COPB2: variants seen among roughly 807,000 people sequenced by gnomAD.
COPB2 encodes coatomer subunit beta'.
A neutral mutation model predicts 120.8 loss-of-function variants in COPB2; 16 were observed. That is an observed-to-expected ratio of 0.13 (90% confidence interval 0.09 to 0.20). COPB2 has a LOEUF of 0.20. Among genes scored for constraint, COPB2 ranks in the 10% least tolerant of loss-of-function variants. COPB2 has a pLI of 1.00. For missense variants in COPB2, 794 were observed against 1,076.5 expected (o/e 0.74, Z 3.67); for synonymous variants, 332 against 366.3 (o/e 0.91, Z 1.07).
At chr3:139,381,411 G>GA (rs1941809430) in intron 2 of COPB2, 1 of 152,118 alleles carries the variant, frequency 6.6e-6, no homozygotes, top group Non-Finnish European at 1.5e-5. Context: ...TAAACACAGG[G>GA]AAAAAACAGG....
rs968188199 is a variant in COPB2, at chr3:139,357,710, G to A, written c.*153C>T. 1 of 477,260 alleles carries A rather than the reference G, an allele frequency of 2.1e-6. No individual in the cohort carries two copies. The highest frequency in any genetic ancestry group is 2.0e-5 in the African/African-American group (1 of 49,772). 29.6% of individuals were successfully genotyped at this position (477,260 alleles called of 1,614,324 possible). On this transcript the variant is annotated 3_prime_UTR_variant, in exon 22 of 22. Coordinates refer to ENST00000333188, the MANE Select transcript of COPB2 (RefSeq NM_004766.3). Reference sequence around the variant, plus strand: ...AATGCTGCACATAAACTCTTCTTAAGATGATGTGGGCATTGTGCTCCCAGT... The same window carrying A: ...AATGCTGCACATAAACTCTTCTTAAAATGATGTGGGCATTGTGCTCCCAGT...
At chr3:139,361,887 G>T (rs570009655) in intron 16 of COPB2, among the ~76,000 whole-genome samples, 6 of 152,316 alleles carry the variant, frequency 3.9e-5, no homozygotes, top group Non-Finnish European at 7.3e-5. Flanking sequence ...GAGCCTCCCT[G>T]AACAGCTCAT....
At chr3:139,377,456 A>C (rs1322384512) in intron 5 of COPB2, among the ~76,000 whole-genome samples, 1 of 152,248 alleles carries the variant, frequency 6.6e-6, no homozygotes, top group South Asian at 2.1e-4. Context: ...AGTTCAATGA[A>C]GTAAGGTTTT....
Position 139,357,855 on chromosome 3 carries a change from C to T in COPB2, c.*8G>A, listed in dbSNP as rs1941320331. Reference sequence around the variant, plus strand: ...TCTGTTTAGTCAGGTAAATGGAAAGCATTACAGTCAATCATCCAAAATATC... The same window carrying T: ...TCTGTTTAGTCAGGTAAATGGAAAGTATTACAGTCAATCATCCAAAATATC... On this transcript the variant is annotated 3_prime_UTR_variant, in exon 22 of 22. Coordinates refer to ENST00000333188, the MANE Select transcript of COPB2 (RefSeq NM_004766.3). 2 of 1,474,630 alleles carry T rather than the reference C, an allele frequency of 1.4e-6. No individual in the cohort carries two copies. Among genetic ancestry groups the T allele is most frequent in the Non-Finnish European group, 1.9e-6 (2 of 1,061,864 alleles). 91.3% of individuals were successfully genotyped at this position (1,474,630 alleles called of 1,614,324 possible). A position where few individuals can be genotyped will look rare whatever the true frequency, so the allele number is the denominator to read the frequency against.
At chr3:139,377,676 T>C (rs1941738742) in intron 5 of COPB2, among the ~76,000 whole-genome samples, 1 of 152,214 alleles carries the variant, frequency 6.6e-6, no homozygotes, top group African/African-American at 2.4e-5. Flanking sequence ...GCATATGGAA[T>C]TTAAATGTAA....
At chr3:139,387,259 G>GA (rs1941942373) in intron 1 of COPB2, among the ~76,000 whole-genome samples, 2 of 151,268 alleles carry the variant, frequency 1.3e-5, no homozygotes, top group Non-Finnish European at 3.0e-5. Context: ...AGGAAGGAAA[G>GA]AAAAGAAAAA....
chr3:139,383,275 A>C lies in COPB2; in HGVS notation c.141+23T>G, dbSNP rs373775494. On this transcript the variant is annotated intron_variant, in intron 2 of 21. Coordinates refer to ENST00000333188, the MANE Select transcript of COPB2 (RefSeq NM_004766.3). ...AGTCTCACATAGTATTTTATTTCTA[A>C]TACAGTCCTGAAAAATTCCTACCTG... is the stretch of plus-strand genomic sequence containing the variant. 132 of 1,612,614 alleles carry C rather than the reference A, an allele frequency of 8.2e-5. 1 individual carries two copies. In the African/African-American group the frequency reaches 1.3e-3, roughly 15 times the overall value.
chr3:139,385,360 T>C (rs1941900939), intron 1 of COPB2: 1 of 152,186 alleles, frequency 6.6e-6, no homozygotes, highest in Non-Finnish European at 1.5e-5. Flanking sequence ...TATTCACAAA[T>C]CACAATTTTG....
chr3:139,378,260 A>G lies in COPB2; in HGVS notation c.356-71T>C. The G allele has an allele frequency of 2.2e-6, 3 of 1,385,436 alleles. No homozygotes were observed. The South Asian group carries it at 5.3e-5, about 25-fold the overall frequency. The allele number at this position is 1,385,436 out of a possible 1,614,324, so 85.8% of individuals were successfully genotyped here. On this transcript the variant is annotated intron_variant, in intron 4 of 21. Transcript: ENST00000333188. ...ACTTCATAACTAAGACACAGTCTTT[A>G]GAAGAAGCAAACCTAACACAAACCA...
At chr3:139,380,748 A>C (rs1364522463) in intron 2 of COPB2, 1 of 152,234 alleles carries the variant, frequency 6.6e-6, no homozygotes, top group Non-Finnish European at 1.5e-5. Context: ...TTCTTTAGAC[A>C]AAGGCTGAAT....
intron 17 of COPB2, among the ~76,000 whole-genome samples, chr3:139,360,050 T>G (rs1448311787): frequency 6.6e-6 from 1 of 152,162 alleles, no homozygotes; most frequent in Non-Finnish European, 1.5e-5. Context: ...AAAACAGTTA[T>G]AACTGTTTTC....
intron 1 of COPB2, among the ~76,000 whole-genome samples, chr3:139,386,378 C>T (rs960354074): frequency 2.6e-5 from 4 of 152,018 alleles, no homozygotes; most frequent in Admixed American, 6.5e-5. Context: ...CTCAGCCTCC[C>T]GAGTAGCTGG....
At chr3:139,377,143 G>C (rs1277715379) in intron 5 of COPB2, among the ~76,000 whole-genome samples, 1 of 152,210 alleles carries the variant, frequency 6.6e-6, no homozygotes, top group Non-Finnish European at 1.5e-5. Context: ...GCACTTTGCT[G>C]TTTGCTATTG....
At chr3:139,372,567 A>G (rs1202955081) in intron 9 of COPB2, among the ~76,000 whole-genome samples, 1 of 152,204 alleles carries the variant, frequency 6.6e-6, no homozygotes, top group Non-Finnish European at 1.5e-5. Flanking sequence ...GATACCATTT[A>G]CTGAACTAGG....
intron 1 of COPB2, among the ~76,000 whole-genome samples, chr3:139,387,195 AGT>A (rs1242517876): frequency 1.3e-5 from 2 of 151,890 alleles, no homozygotes; most frequent in African/African-American, 2.4e-5. Flanking sequence ...TGGGCGACAG[AGT>A]GAGATTCTGT....
Position 139,361,191 on chromosome 3 carries a change from C to T in COPB2, c.2100G>A (p.Leu700=). The T allele has an allele frequency of 6.2e-7, 1 of 1,614,228 alleles. No individual in the cohort carries two copies. The highest frequency in any genetic ancestry group is 8.5e-7 in the Non-Finnish European group (1 of 1,180,056). ...CATTTCCAGAGGCAGTGGCCAAAAG[C>T]AGCAGGCCCCCATAATCCTGTGCAT... The part of the protein sequence containing the change: ...LHHAQDYGGL[L]LLATASGNAN... Residue 700 remains leucine, a synonymous_variant, in exon 17 of 22, where the codon CTG becomes CTA. Transcript: ENST00000333188.
chr3:139,381,941 A>G (rs1328062100), intron 2 of COPB2: 1 of 152,240 alleles, frequency 6.6e-6, no homozygotes, highest in Non-Finnish European at 1.5e-5. Context: ...AGCAAAAACA[A>G]TTCACAAGAT....
chr3:139,382,210 G>A (rs1364626309), intron 2 of COPB2: 1 of 152,192 alleles, frequency 6.6e-6, no homozygotes, highest in African/African-American at 2.4e-5. Context: ...TGGATCATGG[G>A]GGTGGATTTC....
intron 10 of COPB2, among the ~76,000 whole-genome samples, chr3:139,370,887 GA>G (rs1941612365): frequency 1.3e-5 from 2 of 152,160 alleles, no homozygotes; most frequent in Non-Finnish European, 2.9e-5. Flanking sequence ...GTGTATTTAG[GA>G]AATTTATGAA....
Sources: allele counts gnomAD v4.1 joint callset (sites outside exome capture counted in the v4.1 genomes callset), GRCh38; gene constraint gnomAD v4.1.1; transcripts MANE v1.5; gene names NCBI Gene and HGNC (gene_info 2026-07-23, HGNC 2026-07-21).